RIMBP2: variants seen among roughly 807,000 people sequenced by gnomAD.
The protein encoded by RIMBP2 is RIMS binding protein 2.
RIMBP2 carries 48 observed loss-of-function variants against 118.6 expected under a neutral mutation model. The ratio of observed to expected loss-of-function variants is 0.40; its 90% CI spans 0.32 to 0.51. RIMBP2 has a LOEUF of 0.51. Ranked by LOEUF, RIMBP2 falls within the 20% of genes least tolerant of loss-of-function variation. The probability of loss-of-function intolerance (pLI) is 0.41; values close to 1 mark genes in which losing one functional copy is unlikely to be tolerated. For synonymous variants in RIMBP2, 762 were observed against 742.9 expected, an observed-to-expected ratio of 1.03 and a Z score of -0.42; for missense variants, 1,551 against 1,768.3, an observed-to-expected ratio of 0.88 and a Z score of 2.20.
At chr12:130,695,087 A>G (rs190654116) in intron 1 of RIMBP2, among the ~76,000 whole-genome samples, 1 of 152,310 alleles carries the variant, frequency 6.6e-6, no homozygotes, top group Non-Finnish European at 1.5e-5. Context: ...GCACCTGTTC[A>G]CTACAGAAAT....
intron 2 of RIMBP2, among the ~76,000 whole-genome samples, chr12:130,580,661 C>A (rs548853633): frequency 9.9e-5 from 15 of 152,282 alleles, no homozygotes; most frequent in African/African-American, 3.1e-4. Flanking sequence ...GCATTAAGAC[C>A]AGGTGCAGTG....
intron 2 of RIMBP2, among the ~76,000 whole-genome samples, chr12:130,553,722 C>T (rs1476997363): frequency 6.6e-6 from 1 of 152,148 alleles, no homozygotes; most frequent in Non-Finnish European, 1.5e-5. Flanking sequence ...CCAGCCCGGA[C>T]AACTGAGGGA....
chr12:130,484,520 C>T (rs956093828), intron 4 of RIMBP2, among the ~76,000 whole-genome samples: 1 of 152,256 alleles, frequency 6.6e-6, no homozygotes, highest in African/African-American at 2.4e-5. Context: ...GGCTCCCTTG[C>T]CTGCTATCTG....
chr12:130,440,022 CTG>C (rs2077987415), intron 11 of RIMBP2, among the ~76,000 whole-genome samples: 1 of 151,866 alleles, frequency 6.6e-6, no homozygotes, highest in African/African-American at 2.4e-5. Flanking sequence ...CTCCCACCAG[CTG>C]TGTTACTCTG....
In RIMBP2 at chr12:130,486,793, G is replaced by A. The variant is rs959179616; in HGVS notation, c.-3-7777C>T. ...TCTGCCGTTCTCTCCTGTGTCCAAC[G>A]CTGCCACCTCATCTCTCCCCTAGAC... On this transcript the variant is annotated intron_variant, in intron 4 of 22. Coordinates refer to ENST00000690449, the MANE Select transcript of RIMBP2 (RefSeq NM_001393629.1). Among the ~76,000 whole-genome samples, 6 of 150,860 alleles carry A rather than the reference G, an allele frequency of 4.0e-5. No individual in the cohort carries two copies. In the East Asian group the frequency reaches 1.2e-3, roughly 29 times the overall value.
At chr12:130,439,829 G>GTA (rs113621379) in intron 11 of RIMBP2, among the ~76,000 whole-genome samples, 3,790 of 109,566 alleles carry the variant, frequency 0.035, 464 homozygotes, top group African/African-American at 0.14. Flanking sequence ...GTCTGTGTGT[G>GTA]TGTGTATGTG....
chr12:130,708,837 C>T (rs1312590542), intron 1 of RIMBP2, among the ~76,000 whole-genome samples: 3 of 152,236 alleles, frequency 2.0e-5, no homozygotes, highest in Admixed American at 2.0e-4. Context: ...GAACCGGCTC[C>T]GCCCCAGCTT....
chr12:130,645,219 G>A (rs1356732366), intron 1 of RIMBP2, among the ~76,000 whole-genome samples: 9 of 151,680 alleles, frequency 5.9e-5, no homozygotes, highest in South Asian at 2.1e-4. Context: ...TCAGGTCCCC[G>A]AGTAGCTGGG....
intron 1 of RIMBP2, among the ~76,000 whole-genome samples, chr12:130,645,601 C>T (rs555660383): frequency 6.6e-6 from 1 of 152,326 alleles, no homozygotes; most frequent in East Asian, 1.9e-4. Context: ...GGAGCAAGCA[C>T]ATAGCCTGGG....
rs2136639212 is a variant in RIMBP2, at chr12:130,419,714, G to A, written c.3238+2739C>T. On this transcript the variant is annotated intron_variant, in intron 17 of 22. Transcript: ENST00000690449. The surrounding 1 kb of genome is among the most constrained non-coding windows in gnomAD (Gnocchi z 4.3). ...ATAACAAAAAATGGGAGAATACAGA[G>A]GAGATATTCAGAGTTGATTCCTAAG... The A allele has an allele frequency of 6.6e-6, 1 of 152,324 alleles. No homozygotes were observed. The highest frequency in any genetic ancestry group is 1.9e-4 in the East Asian group (1 of 5,192). The allele number at this position is 152,324 out of a possible 1,614,324, so 9.4% of individuals were successfully genotyped here. A position where few individuals can be genotyped will look rare whatever the true frequency, so the allele number is the denominator to read the frequency against.
chr12:130,502,132 C>T (rs934468107), intron 4 of RIMBP2, among the ~76,000 whole-genome samples: 1 of 152,178 alleles, frequency 6.6e-6, no homozygotes, highest in Admixed American at 6.5e-5. Context: ...AAGGCAGTCA[C>T]CCCAGCCCAA....
chr12:130,684,308 C>T (rs2064945075), intron 1 of RIMBP2, among the ~76,000 whole-genome samples: 1 of 152,210 alleles, frequency 6.6e-6, no homozygotes, highest in East Asian at 1.9e-4. Flanking sequence ...ACTGATGTTC[C>T]ATGTCTCCCA....
intron 2 of RIMBP2, among the ~76,000 whole-genome samples, chr12:130,627,260 T>G (rs12426249): frequency 1.0e-4 from 16 of 152,390 alleles, no homozygotes; most frequent in Admixed American, 1.0e-3. Context: ...TGATTCATCT[T>G]CTGCTGCGCG....
intron 2 of RIMBP2, among the ~76,000 whole-genome samples, chr12:130,569,961 A>G (rs1275667158): frequency 1.3e-5 from 2 of 152,172 alleles, no homozygotes; most frequent in East Asian, 3.8e-4. Flanking sequence ...TTGGAAACCT[A>G]CCTTACTCTG....
intron 14 of RIMBP2, chr12:130,432,314 C>T (rs565146818): frequency 4.4e-6 from 2 of 456,614 alleles, no homozygotes; most frequent in East Asian, 1.4e-4. Context: ...CTGTGGGCCT[C>T]AGTTTCCCTG....
At chr12:130,397,870 T>TTG in intron 22 of RIMBP2, 1 of 195,104 alleles carries the variant, frequency 5.1e-6, no homozygotes, top group Admixed American at 6.1e-5. Context: ...TGAAATTAGG[T>TTG]TGATAGTAAA....
chr12:130,476,099 A>G (rs2081400613), intron 5 of RIMBP2, among the ~76,000 whole-genome samples: 1 of 152,100 alleles, frequency 6.6e-6, no homozygotes, highest in African/African-American at 2.4e-5. Flanking sequence ...TGTGATGTGT[A>G]GAGGGGCTGG....
intron 2 of RIMBP2, among the ~76,000 whole-genome samples, chr12:130,588,916 C>T (rs186168981): frequency 1.1e-3 from 160 of 152,322 alleles, no homozygotes; most frequent in Non-Finnish European, 2.1e-3. Context: ...TCTTTGGTAG[C>T]TGCAAGCCCC....
At chr12:130,455,103 C>G (rs1298293372) in intron 7 of RIMBP2, among the ~76,000 whole-genome samples, 1 of 152,202 alleles carries the variant, frequency 6.6e-6, no homozygotes, top group East Asian at 1.9e-4. Context: ...TTTCCCAGAG[C>G]AGAAGCCGTG....
Sources: gnomAD v4.1 joint callset for allele counts (sites outside exome capture counted in the v4.1 genomes callset) on GRCh38, gnomAD v4.1.1 for gene constraint, Gnocchi (gnomAD v3.1) non-coding constraint, MANE v1.5 for transcripts, NCBI Gene and HGNC (gene_info 2026-07-23, HGNC 2026-07-21) for gene names.